Variants in MAP2 observed in about 807,000 individuals in gnomAD.
MAP2 encodes microtubule associated protein 2.
A neutral mutation model predicts 137.6 loss-of-function variants in MAP2; 14 were observed. That is an observed-to-expected ratio of 0.10 (90% CI 0.07 to 0.16). MAP2 has a LOEUF of 0.16. Among genes scored for constraint, MAP2 ranks in the 10% least tolerant of loss-of-function variants. The pLI, the probability that MAP2 is intolerant of heterozygous loss-of-function variation, is 1.00. For missense variants in MAP2, 2,088 were observed against 2,191.5 expected (o/e 0.95, Z 0.94); for synonymous variants, 786 against 782.3 (o/e 1.00, Z -0.08).
intron 1 of MAP2, among the ~76,000 whole-genome samples, chr2:209,428,020 A>G (rs1693048554): frequency 6.6e-6 from 1 of 152,172 alleles, no homozygotes; most frequent in South Asian, 2.1e-4. Flanking sequence ...TCTTTGAACT[A>G]AGGCCATGGT....
At chr2:209,616,160 G>C (rs1440108795) in intron 3 of MAP2, among the ~76,000 whole-genome samples, 3 of 152,024 alleles carry the variant, frequency 2.0e-5, no homozygotes, top group Admixed American at 6.5e-5. Flanking sequence ...AGAGGTACCA[G>C]CTATAACACA....
chr2:209,729,872 G>A lies in MAP2; in HGVS notation c.5178G>A (p.Glu1726=). 6.2e-7 allele frequency: 1 copy of A among 1,612,842 alleles called. No homozygotes were observed. Among genetic ancestry groups the A allele is most frequent in the East Asian group, 2.2e-5 (1 of 44,854 alleles). Residue 1726 remains glutamate (E), a synonymous_variant, in exon 15 of 16, where the codon GAG becomes GAA. Coordinates refer to ENST00000682079, the MANE Select transcript of MAP2 (RefSeq NM_001375505.1). ...HRPGGGRVKI[E]SVKLDFKEKA... ...TAGGTGGCGGACGTGTGAAAATTGA[G>A]AGTGTAAAACTAGATTTCAAAGAAA...
intron 2 of MAP2, among the ~76,000 whole-genome samples, chr2:209,544,906 A>T (rs969138672): frequency 6.6e-6 from 1 of 152,214 alleles, no homozygotes; most frequent in African/African-American, 2.4e-5. Context: ...CAGTGTCTAG[A>T]TTGCATCAGC....
At chr2:209,685,098 T>C (rs945359410) in intron 7 of MAP2, among the ~76,000 whole-genome samples, 5 of 152,170 alleles carry the variant, frequency 3.3e-5, no homozygotes, top group African/African-American at 1.2e-4. Flanking sequence ...CAAAATGTTA[T>C]GGTTTATGTC....
At chr2:209,453,827 CTA>C (rs774831889) in intron 1 of MAP2, among the ~76,000 whole-genome samples, 7 of 151,936 alleles carry the variant, frequency 4.6e-5, no homozygotes, top group Non-Finnish European at 7.4e-5. Flanking sequence ...ACAGATGGCA[CTA>C]TATGATAACC....
At chr2:209,504,265 T>TA (rs2060762911) in intron 1 of MAP2, among the ~76,000 whole-genome samples, 2 of 105,420 alleles carry the variant, frequency 1.9e-5, no homozygotes, top group Non-Finnish European at 4.7e-5. Context: ...AAACTGAACT[T>TA]TAAAAAAAAA....
chr2:209,503,004 T>C (rs1195235633), intron 1 of MAP2, among the ~76,000 whole-genome samples: 1 of 99,578 alleles, frequency 1.0e-5, no homozygotes, highest in African/African-American at 2.9e-5. Flanking sequence ...TTTTTCTTTT[T>C]TTTTTTTTTT....
At position 209,693,825 on chromosome 2, in the gene MAP2, C is replaced by G. The variant is rs753367482; in HGVS notation, c.1655C>G (p.Ala552Gly). The change falls in exon 8 of 16, where the codon GCT becomes GGT. Residue 552 changes from alanine to glycine, a missense_variant. Ala to Gly is a moderately conservative substitution (Grantham distance 60). This residue lies in a region of MAP2 where 859 missense variants were observed against 794.5 expected (regional missense o/e 1.08). Coordinates refer to ENST00000682079, the MANE Select transcript of MAP2 (RefSeq NM_001375505.1). ...AAAGATAAGATTGAAGGAGTTGGAG[C>G]TGCAACATCAGCTGAGCTTGATATG... Reference protein sequence around the residue: ...DDKDKIEGVGAATSAELDMPF... With the variant: ...DDKDKIEGVGGATSAELDMPF... 3 of 1,614,036 alleles carry G rather than the reference C, an allele frequency of 1.9e-6. No individual in the cohort carries two copies. Among genetic ancestry groups the G allele is most frequent in the Non-Finnish European group, 2.5e-6 (3 of 1,179,972 alleles).
At chr2:209,614,342 T>A (rs1395703864) in intron 3 of MAP2, among the ~76,000 whole-genome samples, 1 of 152,146 alleles carries the variant, frequency 6.6e-6, no homozygotes, top group Non-Finnish European at 1.5e-5. Context: ...AATAGATGAT[T>A]CATCTATTCT....
At chr2:209,616,363 T>C (rs1158862633) in intron 3 of MAP2, among the ~76,000 whole-genome samples, 1 of 152,226 alleles carries the variant, frequency 6.6e-6, no homozygotes, top group Non-Finnish European at 1.5e-5. Flanking sequence ...AGTGTTCAAG[T>C]TCAGCTTCTA....
chr2:209,578,371 T>G (rs1255652825), intron 2 of MAP2, among the ~76,000 whole-genome samples: 1 of 151,792 alleles, frequency 6.6e-6, no homozygotes, highest in East Asian at 1.9e-4. Context: ...AAATTTATCT[T>G]AATTCAAAAT....
chr2:209,559,479 CAAAAAA>C (rs59788211), intron 2 of MAP2, among the ~76,000 whole-genome samples: 1 of 37,544 alleles, frequency 2.7e-5, no homozygotes, highest in East Asian at 9.1e-4. Flanking sequence ...GCCAAAAATA[CAAAAAA>C]AAAAAAAAAA....
At chr2:209,658,253 T>C (rs1442232927) in intron 5 of MAP2, among the ~76,000 whole-genome samples, 1 of 152,196 alleles carries the variant, frequency 6.6e-6, no homozygotes, top group East Asian at 1.9e-4. Flanking sequence ...AATTGATTTC[T>C]GTAATCATTG....
intron 13 of MAP2, among the ~76,000 whole-genome samples, chr2:209,714,982 T>A (rs2066954978): frequency 6.6e-6 from 1 of 151,962 alleles, no homozygotes; most frequent in East Asian, 1.9e-4. Flanking sequence ...CATGCCAAAG[T>A]TTTTTTTACC....
intron 1 of MAP2, among the ~76,000 whole-genome samples, chr2:209,450,680 C>T (rs1700109919): frequency 6.6e-6 from 1 of 152,130 alleles, no homozygotes; most frequent in Non-Finnish European, 1.5e-5. Context: ...TCTATATCAT[C>T]CAAGAGTATC....
intron 1 of MAP2, among the ~76,000 whole-genome samples, chr2:209,450,978 T>G (rs897433217): frequency 3.3e-5 from 5 of 152,090 alleles, no homozygotes; most frequent in Non-Finnish European, 7.3e-5. Flanking sequence ...TGAAATAATT[T>G]TTTTTCCCAA....
intron 1 of MAP2, among the ~76,000 whole-genome samples, chr2:209,439,991 A>G (rs1391424000): frequency 6.6e-6 from 1 of 151,560 alleles, no homozygotes; most frequent in Non-Finnish European, 1.5e-5. Flanking sequence ...CACTGTGTTT[A>G]GATTTATCAC....
At chr2:209,640,558 A>G (rs2093941781) in intron 4 of MAP2, among the ~76,000 whole-genome samples, 1 of 151,916 alleles carries the variant, frequency 6.6e-6, no homozygotes, top group Admixed American at 6.6e-5. Context: ...AATGCAAAAA[A>G]AAAAAAATAC....
At chr2:209,699,652 T>C (rs947318173) in intron 10 of MAP2, among the ~76,000 whole-genome samples, 1 of 152,186 alleles carries the variant, frequency 6.6e-6, no homozygotes, top group Non-Finnish European at 1.5e-5. Context: ...TTTACTGAAC[T>C]TAAATTTTCT....
Sources: gnomAD v4.1 joint callset for allele counts (sites outside exome capture counted in the v4.1 genomes callset) on GRCh38, gnomAD v4.1.1 for gene constraint, gnomAD v4.1.1 regional missense constraint, MANE v1.5 for transcripts, NCBI Gene and HGNC (gene_info 2026-07-23, HGNC 2026-07-21) for gene names.